The following CERKL variants were observed in gnomAD, a reference collection of about 807,000 sequenced individuals.
CERKL encodes the protein ceramide kinase-like protein.
In CERKL, 61 loss-of-function variants were observed where a neutral mutation model predicts 63.4. That is an observed-to-expected ratio of 0.96 (90% CI 0.78 to 1.19). The LOEUF (loss-of-function observed/expected upper bound fraction) is 1.19, where lower values mean the gene tolerates loss of function less well. Ranked by LOEUF, CERKL falls within the 50% of genes most tolerant of loss-of-function variation. CERKL has a pLI of 0.00. For missense variants in CERKL, 675 were observed against 655.5 expected, an observed-to-expected ratio of 1.03 and a Z score of -0.33; for synonymous variants, 250 against 230.5, an observed-to-expected ratio of 1.08 and a Z score of -0.77.
At chr2:181,564,884 T>C (rs929092007) in intron 4 of CERKL, among the ~76,000 whole-genome samples, 1 of 152,210 alleles carries the variant, frequency 6.6e-6, no homozygotes, top group Non-Finnish European at 1.5e-5. Context: ...AAATGAAGCC[T>C]ATTAATGTTT....
At chr2:181,562,961 CAAAAG>C (rs1688510595) in intron 4 of CERKL, among the ~76,000 whole-genome samples, 1 of 151,756 alleles carries the variant, frequency 6.6e-6, no homozygotes, top group African/African-American at 2.4e-5. Context: ...GTGAAATGAA[CAAAAG>C]AAAAGTAACT....
Position 181,558,002 on chromosome 2 carries a change from C to T in CERKL, c.820+564G>A, listed in dbSNP as rs1688284106. On this transcript the variant is annotated intron_variant, in intron 5 of 12. Transcript: ENST00000410087. This position sits in a 1 kb window ranked among gnomAD's most constrained non-coding sequence, Gnocchi z 4.2. The stretch of plus-strand genomic sequence containing the variant: ...GAGCATCACTGTGGCATAGTCTATT[C>T]TAGATGCTGAAAAATGGCAGTGAGT... 6.6e-6 allele frequency among the ~76,000 whole-genome samples: 1 copy of T among 152,160 alleles called. No individual in the cohort carries two copies. Among genetic ancestry groups the T allele is most frequent in the Non-Finnish European group, 1.5e-5 (1 of 68,024 alleles).
Position 181,558,471 on chromosome 2 carries a change from G to C in CERKL, c.820+95C>G. On this transcript the variant is annotated intron_variant, in intron 5 of 12. Coordinates refer to ENST00000410087, the MANE Select transcript of CERKL (RefSeq NM_201548.5). This position sits in a 1 kb window ranked among gnomAD's most constrained non-coding sequence, Gnocchi z 4.2. ...CAGAAGTCTGGATCTTTCAAAGTCTGTTCATTAATTCTGTGTTGTGCTGTC... is the reference window on the plus strand; with the variant it reads ...CAGAAGTCTGGATCTTTCAAAGTCTCTTCATTAATTCTGTGTTGTGCTGTC... 7.4e-7 allele frequency: 1 copy of C among 1,355,240 alleles called. No homozygotes were observed. Among genetic ancestry groups the C allele is most frequent in the African/African-American group, 1.4e-5 (1 of 69,926 alleles). The allele number at this position is 1,355,240 out of a possible 1,614,324, so 84.0% of individuals were successfully genotyped here. A position where few individuals can be genotyped will look rare whatever the true frequency, so the allele number is the denominator to read the frequency against.
intron 5 of CERKL, among the ~76,000 whole-genome samples, chr2:181,551,008 T>G (rs1687959919): frequency 6.6e-6 from 1 of 152,106 alleles, no homozygotes; most frequent in South Asian, 2.1e-4. Context: ...TTAAAATTAC[T>G]CTCATGAGTT....
chr2:181,573,974 G>A (rs1689019555), intron 2 of CERKL, 90 bp from the exon 3 acceptor site: 2 of 1,176,144 alleles, frequency 1.7e-6, no homozygotes, highest in African/African-American at 3.1e-5. Flanking sequence ...CTGTTAGAAT[G>A]TTATATGCAT....
chr2:181,542,125 A>T (rs1687534850), intron 11 of CERKL, among the ~76,000 whole-genome samples: 1 of 152,200 alleles, frequency 6.6e-6, no homozygotes, highest in Admixed American at 6.5e-5. Context: ...CTCCCTACCA[A>T]AAATGGTCAC....
intron 2 of CERKL, among the ~76,000 whole-genome samples, chr2:181,598,129 C>T (rs1397339131): frequency 1.3e-5 from 2 of 152,124 alleles, no homozygotes; most frequent in Non-Finnish European, 2.9e-5. Flanking sequence ...TTCAAGATGG[C>T]TCCACCCCTG....
intron 2 of CERKL, among the ~76,000 whole-genome samples, chr2:181,586,519 T>C (rs1246835562): frequency 1.3e-5 from 2 of 152,180 alleles, no homozygotes; most frequent in Admixed American, 6.5e-5. Flanking sequence ...ATCCCCCAAG[T>C]AGACAATCCA....
intron 1 of CERKL, among the ~76,000 whole-genome samples, chr2:181,615,223 C>T (rs1406200023): frequency 6.6e-6 from 1 of 152,146 alleles, no homozygotes; most frequent in Non-Finnish European, 1.5e-5. Context: ...ATAAAGATAA[C>T]CTCTCCTGGC....
chr2:181,648,866 C>T (rs546773960), intron 1 of CERKL, among the ~76,000 whole-genome samples: 2 of 152,210 alleles, frequency 1.3e-5, no homozygotes, highest in East Asian at 3.9e-4. Flanking sequence ...TTTATTATAA[C>T]TACAAGACTT....
intron 5 of CERKL, among the ~76,000 whole-genome samples, chr2:181,556,243 A>AT (rs1284464712): frequency 6.8e-6 from 1 of 147,008 alleles, no homozygotes; most frequent in African/African-American, 2.5e-5. Context: ...AAGGCTGTAT[A>AT]TTATATATAT....
intron 1 of CERKL, among the ~76,000 whole-genome samples, chr2:181,631,449 A>T (rs973226313): frequency 6.6e-6 from 1 of 152,186 alleles, no homozygotes; most frequent in Non-Finnish European, 1.5e-5. Context: ...CCAGAGGCCA[A>T]CTAGAAAAAT....
At chr2:181,621,648 A>T (rs1686456500) in intron 1 of CERKL, among the ~76,000 whole-genome samples, 1 of 152,224 alleles carries the variant, frequency 6.6e-6, no homozygotes, top group Non-Finnish European at 1.5e-5. Context: ...TACTATGATA[A>T]GAAGCCAAAA....
At chr2:181,653,174 A>G (rs370060557) in intron 1 of CERKL, among the ~76,000 whole-genome samples, 2 of 152,336 alleles carry the variant, frequency 1.3e-5, no homozygotes. Flanking sequence ...GACATCACTA[A>G]TCATCAGGGA....
chr2:181,595,436 T>C (rs781188169), intron 2 of CERKL, among the ~76,000 whole-genome samples: 2 of 152,210 alleles, frequency 1.3e-5, no homozygotes, highest in Non-Finnish European at 2.9e-5. Context: ...GGGACAACTT[T>C]CAAACAAGAT....
At chr2:181,555,259 G>A (rs10490689) in intron 5 of CERKL, among the ~76,000 whole-genome samples, 56,602 of 151,844 alleles carry the variant, frequency 0.37, 11,033 homozygotes, top group African/African-American at 0.47. Flanking sequence ...CTAATGAAGT[G>A]TCCTAAGCAC....
intron 2 of CERKL, among the ~76,000 whole-genome samples, chr2:181,586,805 A>C (rs1301626679): frequency 6.6e-6 from 1 of 152,214 alleles, no homozygotes; most frequent in African/African-American, 2.4e-5. Flanking sequence ...TGAGAGCGGC[A>C]GGGACGCCAC....
At chr2:181,545,762 G>A (rs946410544) in intron 10 of CERKL, among the ~76,000 whole-genome samples, 15 of 152,034 alleles carry the variant, frequency 9.9e-5, no homozygotes, top group Non-Finnish European at 5.9e-5. Flanking sequence ...GCACCAAAAC[G>A]TTCATGGTAG....
At chr2:181,556,766 G>C (rs1183323481) in intron 5 of CERKL, among the ~76,000 whole-genome samples, 1 of 152,168 alleles carries the variant, frequency 6.6e-6, no homozygotes, top group East Asian at 1.9e-4. Context: ...CCCAGTAATG[G>C]GATGGCTGGA....
Sources: allele counts gnomAD v4.1 joint callset (sites outside exome capture counted in the v4.1 genomes callset), GRCh38; gene constraint gnomAD v4.1.1; non-coding constraint Gnocchi (gnomAD v3.1); transcripts MANE v1.5; gene names NCBI Gene and HGNC (gene_info 2026-07-23, HGNC 2026-07-21).